The following LTBP2 variants were observed in gnomAD, a reference collection of about 807,000 sequenced individuals.
LTBP2 encodes latent transforming growth factor beta binding protein 2.
A neutral mutation model predicts 210.6 loss-of-function variants in LTBP2; 103 were observed. The ratio of observed to expected loss-of-function variants is 0.49; its 90% CI spans 0.42 to 0.58. The LOEUF is 0.58. Ranked by LOEUF, LTBP2 falls within the 20% of genes least tolerant of loss-of-function variation. The pLI, the probability that LTBP2 is intolerant of heterozygous loss-of-function variation, is 0.00. For missense variants in LTBP2, 2,313 were observed against 2,494.5 expected (o/e 0.93, Z 1.55); for synonymous variants, 1,007 against 1,015.0 (o/e 0.99, Z 0.15).
chr14:74,607,948 C>T (rs1308624115), intron 1 of LTBP2, among the ~76,000 whole-genome samples: 1 of 148,844 alleles, frequency 6.7e-6, no homozygotes, highest in Non-Finnish European at 1.5e-5. Context: ...GAGTCTCGCT[C>T]TGTCGCCCAG....
chr14:74,595,909 G>T (rs2088353676), intron 2 of LTBP2, among the ~76,000 whole-genome samples: 1 of 152,188 alleles, frequency 6.6e-6, no homozygotes, highest in Non-Finnish European at 1.5e-5. Flanking sequence ...ACAAAGAAGT[G>T]GAGCAGGATG....
At chr14:74,521,254 G>A (rs1017524805) in intron 17 of LTBP2, among the ~76,000 whole-genome samples, 3 of 152,226 alleles carry the variant, frequency 2.0e-5, no homozygotes, top group African/African-American at 7.2e-5. Flanking sequence ...TGAGGTGAAG[G>A]ATTTACAACT....
intron 2 of LTBP2, among the ~76,000 whole-genome samples, chr14:74,602,932 A>G (rs2088468475): frequency 6.6e-6 from 1 of 152,220 alleles, no homozygotes; most frequent in African/African-American, 2.4e-5. Context: ...CACATGCTAC[A>G]TGAATGGTGC....
At chr14:74,570,420 G>C (rs1184979821) in intron 3 of LTBP2, among the ~76,000 whole-genome samples, 1 of 152,198 alleles carries the variant, frequency 6.6e-6, no homozygotes, top group Non-Finnish European at 1.5e-5. Context: ...AAGGCAGCTA[G>C]GGACCTGGGT....
chr14:74,553,736 G>A (rs1173799432), intron 4 of LTBP2, among the ~76,000 whole-genome samples: 1 of 152,224 alleles, frequency 6.6e-6, no homozygotes, highest in Middle Eastern at 3.4e-3. Flanking sequence ...AGCTGAGGCC[G>A]CTTCATTTCC....
chr14:74,543,185 C>T (rs2087531728), intron 8 of LTBP2, among the ~76,000 whole-genome samples: 1 of 151,682 alleles, frequency 6.6e-6, no homozygotes, highest in Non-Finnish European at 1.5e-5. Flanking sequence ...GAGACCATCC[C>T]AGCTAACACG....
Position 74,610,768 on chromosome 14 carries a change from C to T in LTBP2, c.494+683G>A, listed in dbSNP as rs572107204. Among the ~76,000 whole-genome samples, 3 of 152,332 alleles carry T rather than the reference C, an allele frequency of 2.0e-5. No individual in the cohort carries two copies. The East Asian group carries it at 5.8e-4, about 29-fold the overall frequency. The stretch of plus-strand genomic sequence containing the variant: ...GTTGTGCGGTGGCTTAGCCCTGCAA[C>T]GCGCCCAAGTCACGCTTACACCTAG... On this transcript the variant is annotated intron_variant, in intron 1 of 35. Coordinates refer to ENST00000261978, the MANE Select transcript of LTBP2 (RefSeq NM_000428.3).
chr14:74,506,942 T>C (rs1210925061), intron 26 of LTBP2, 119 bp from the exon 27 acceptor site: 1 of 1,555,466 alleles, frequency 6.4e-7, no homozygotes, highest in Admixed American at 1.9e-5. Context: ...CTGCTGAGAA[T>C]ACTTATTTGG....
chr14:74,509,123 G>A, intron 22 of LTBP2, 115 bp downstream of exon 22: 1 of 1,579,566 alleles, frequency 6.3e-7, no homozygotes. Context: ...GACTCTTGGG[G>A]AGCGGGATGA....
intron 8 of LTBP2, among the ~76,000 whole-genome samples, chr14:74,537,902 G>A (rs1487224306): frequency 6.6e-6 from 1 of 152,102 alleles, no homozygotes; most frequent in Non-Finnish European, 1.5e-5. Flanking sequence ...TTACAGGCAT[G>A]TGCCACCAGG....
At chr14:74,561,156 A>G (rs1296333738) in intron 3 of LTBP2, among the ~76,000 whole-genome samples, 1 of 152,136 alleles carries the variant, frequency 6.6e-6, no homozygotes, top group East Asian at 1.9e-4. Context: ...TGTCTCTACT[A>G]AAAATACAAA....
intron 3 of LTBP2, among the ~76,000 whole-genome samples, chr14:74,565,812 C>T (rs1280203974): frequency 6.6e-6 from 1 of 152,178 alleles, no homozygotes; most frequent in African/African-American, 2.4e-5. Context: ...CACTGCCTGA[C>T]TGGGGCGTTA....
intron 9 of LTBP2, among the ~76,000 whole-genome samples, chr14:74,533,803 G>T (rs988800267): frequency 2.6e-5 from 4 of 152,234 alleles, no homozygotes; most frequent in African/African-American, 9.6e-5. Flanking sequence ...CTGCCAAGGG[G>T]AAGTCTCAGC....
chr14:74,558,076 G>A (rs183095761), intron 3 of LTBP2, among the ~76,000 whole-genome samples: 1 of 152,308 alleles, frequency 6.6e-6, no homozygotes, highest in Non-Finnish European at 1.5e-5. Context: ...CAGGCCATGA[G>A]CAAACTCCTT....
At chr14:74,528,921 C>T in intron 11 of LTBP2, 37 bp downstream of exon 11, 1 of 1,606,188 alleles carries the variant, frequency 6.2e-7, no homozygotes, top group Non-Finnish European at 8.5e-7. Flanking sequence ...CCTTGAGCCC[C>T]TGGGCAGTGA....
rs187237905 is a variant in LTBP2 at position 74,532,904 on chromosome 14, A to G, written c.1865-356T>C. The stretch of plus-strand genomic sequence containing the variant: ...ACCCAGGCTGGAGTGCAGGGGTGTG[A>G]TCTCAGCTCACTGCAGTCTCCGCCT... On this transcript the variant is annotated intron_variant, in intron 9 of 35. Coordinates refer to ENST00000261978, the MANE Select transcript of LTBP2 (RefSeq NM_000428.3). Among the ~76,000 whole-genome samples the G allele has an allele frequency of 8.5e-3, 1,293 of 152,254 alleles. 20 individuals are homozygous for G. The highest frequency in any genetic ancestry group is 0.053 in the Admixed American group (810 of 15,296).
At chr14:74,579,142 C>T (rs993561015) in intron 3 of LTBP2, among the ~76,000 whole-genome samples, 1 of 152,330 alleles carries the variant, frequency 6.6e-6, no homozygotes, top group African/African-American at 2.4e-5. Context: ...CAGGTGTGAG[C>T]CACTGCGCCT....
chr14:74,516,334 C>T (rs1221084000), intron 18 of LTBP2, among the ~76,000 whole-genome samples: 1 of 150,816 alleles, frequency 6.6e-6, no homozygotes, highest in Admixed American at 6.6e-5. Context: ...CTGGGAAAGA[C>T]AGAAGGATCT....
chr14:74,599,584 C>G (rs548150611), intron 2 of LTBP2, among the ~76,000 whole-genome samples: 6 of 152,198 alleles, frequency 3.9e-5, no homozygotes, highest in Non-Finnish European at 7.3e-5. Context: ...ACATAAGTCC[C>G]GAGAGAGAGC....
Sources: gnomAD v4.1 joint callset for allele counts (sites outside exome capture counted in the v4.1 genomes callset) on GRCh38, gnomAD v4.1.1 for gene constraint, MANE v1.5 for transcripts, NCBI Gene and HGNC (gene_info 2026-07-23, HGNC 2026-07-21) for gene names.